LSS: variants seen among roughly 807,000 people sequenced by gnomAD.
LSS encodes lanosterol synthase, also known as 2,3-epoxysqualene-lanosterol cyclase.
In LSS, 90 loss-of-function variants were observed where a neutral mutation model predicts 110.3. The observed-to-expected ratio is 0.82, with a 90% CI of 0.69 to 0.97. LSS has a LOEUF of 0.97. LSS is among the 50% of genes least tolerant of loss of function. LSS has a pLI of 0.00. For missense variants in LSS, 927 were observed against 990.0 expected, an observed-to-expected ratio of 0.94 and a Z score of 0.85; for synonymous variants, 433 against 400.0, an observed-to-expected ratio of 1.08 and a Z score of -0.98.
At chr21:46,194,769 G>A in intron 19 of LSS, 108 bp from the exon 20 acceptor site, 3 of 1,101,892 alleles carry the variant, frequency 2.7e-6, no homozygotes, top group Non-Finnish European at 2.5e-6. Flanking sequence ...CCTGCACGAT[G>A]GGGCCACCCT....
chr21:46,207,399 G>T (rs1415955791), intron 15 of LSS, 29 bp downstream of exon 15: 7 of 1,608,502 alleles, frequency 4.4e-6, no homozygotes, highest in African/African-American at 1.3e-5. Flanking sequence ...CACGAGGTAT[G>T]GACGGGGCTG....
chr21:46,205,996 C>T (rs916514823), intron 16 of LSS, 55 bp from the exon 17 acceptor site: 139 of 1,356,404 alleles, frequency 1.0e-4, no homozygotes, highest in Non-Finnish European at 4.6e-5. Flanking sequence ...TGCCCAGGCT[C>T]TGCAGCTCAG....
chr21:46,216,860 G>A lies in LSS; in HGVS notation c.648-336C>T, dbSNP rs530989362. ...AACATCAACAATGGGGATATGGTGT[G>A]AGGGCCCCAGGGAACACTCTTGGCT... is the stretch of plus-strand genomic sequence containing the variant. On this transcript the variant is annotated intron_variant, in intron 6 of 21. Transcript: ENST00000397728. This position sits in a 1 kb window ranked among gnomAD's most constrained non-coding sequence, Gnocchi z 4.2. 4.6e-5 allele frequency among the ~76,000 whole-genome samples: 7 copies of A among 152,282 alleles called. No individual in the cohort carries two copies. Among genetic ancestry groups the A allele is most frequent in the African/African-American group, 1.2e-4 (5 of 41,562 alleles).
intron 18 of LSS, 77 bp from the exon 19 acceptor site, chr21:46,195,833 C>T (rs2079902544): frequency 1.6e-6 from 2 of 1,214,732 alleles, no homozygotes; most frequent in South Asian, 1.2e-5. Flanking sequence ...CATTCTGCAA[C>T]AATCACACGT....
Position 46,194,509 on chromosome 21 carries a change from A to G in LSS, c.1970T>C (p.Met657Thr), listed in dbSNP as rs1415732792. The change falls in exon 20 of 22, where the codon ATG becomes ACG. Residue 657 changes from methionine to threonine, a missense_variant. Physicochemically the swap from Met to Thr is moderately conservative, Grantham distance 81. Transcript: ENST00000397728. ...TCCCCACCGAACGGCCATCAGCCCCATCATGGCCCAGCATGTGTTATGGAT... is the reference window on the plus strand; with the variant it reads ...TCCCCACCGAACGGCCATCAGCCCCGTCATGGCCCAGCATGTGTTATGGAT... ...SQIHNTCWAM[M>T]GLMAVRHPDI... 6.2e-7 allele frequency: 1 copy of G among 1,613,758 alleles called. No homozygotes were observed. Among genetic ancestry groups the G allele is most frequent in the Non-Finnish European group, 8.5e-7 (1 of 1,180,016 alleles).
intron 17 of LSS, among the ~76,000 whole-genome samples, chr21:46,204,629 A>AAAAAAG (rs562044132): frequency 5.2e-4 from 79 of 151,630 alleles, no homozygotes; most frequent in Non-Finnish European, 8.2e-4. Flanking sequence ...TCTCAAAAAA[A>AAAAAAG]AAAGAAAGAA....
intron 3 of LSS, chr21:46,225,377 C>G: frequency 2.2e-6 from 1 of 452,756 alleles, no homozygotes; most frequent in Non-Finnish European, 4.4e-6. Context: ...CGTTGCCAAG[C>G]GGACCCAACC....
Position 46,216,446 on chromosome 21 carries a change from G to A in LSS, c.726C>T (p.Tyr242=). The change falls in exon 7 of 22, where the codon TAC becomes TAT. Residue 242 remains tyrosine (Y), a synonymous_variant. Coordinates refer to ENST00000397728, the MANE Select transcript of LSS (RefSeq NM_002340.6). The surrounding 1 kb of genome is among the most constrained non-coding windows in gnomAD (Gnocchi z 4.2). ...HCRQVYLPMS[Y]CYAVRLSAAE... ...CGGCACTCAGCCGAACGGCGTAGCA[G>A]TAGCTCATGGGCAGGTACACCTGCC... 6.2e-7 allele frequency: 1 copy of A among 1,613,838 alleles called. No homozygotes were observed. Among genetic ancestry groups the A allele is most frequent in the Admixed American group, 1.7e-5 (1 of 60,026 alleles).
intron 17 of LSS, among the ~76,000 whole-genome samples, chr21:46,200,431 C>T (rs1396662349): frequency 1.3e-5 from 2 of 152,128 alleles, no homozygotes; most frequent in Admixed American, 6.5e-5. Flanking sequence ...CTAAGTACAG[C>T]GGTCATCACC....
At chr21:46,215,420 G>A in intron 8 of LSS, 122 bp from the exon 9 acceptor site, 1 of 329,868 alleles carries the variant, frequency 3.0e-6, no homozygotes, top group South Asian at 2.2e-5. Context: ...CCACCCCCAG[G>A]CCTGGTCTCT....
intron 2 of LSS, among the ~76,000 whole-genome samples, chr21:46,228,032 C>T (rs1192787626): frequency 6.6e-6 from 1 of 152,232 alleles, no homozygotes; most frequent in Non-Finnish European, 1.5e-5. Flanking sequence ...CAAGGGGCGG[C>T]ACAGCCTTTC....
At chr21:46,210,260 G>T (rs1361644376) in intron 12 of LSS, among the ~76,000 whole-genome samples, 1 of 151,896 alleles carries the variant, frequency 6.6e-6, no homozygotes, top group South Asian at 2.1e-4. Context: ...TAGAGACGGG[G>T]TTTCACCATC....
At position 46,222,667 on chromosome 21, in the gene LSS, GGTACCGCACAATCTCTTCT is replaced by G; in HGVS notation, c.372_390del (p.Arg124SerfsTer71). 1 of 1,613,864 alleles carries G rather than the reference GGTACCGCACAATCTCTTCT, an allele frequency of 6.2e-7. No homozygotes were observed. Among genetic ancestry groups the G allele is most frequent in the Admixed American group, 1.7e-5 (1 of 60,030 alleles). Reference sequence around the variant, plus strand: ...CCGTCAGGGAGCTGCACTGACCGCAGGTACCGCACAATCTCTTCTCTGTATCCGGCTGGCAGAGGGATGC... The same window carrying G: ...CCGTCAGGGAGCTGCACTGACCGCAGCTGTATCCGGCTGGCAGAGGGATGC... On this transcript the variant is annotated frameshift_variant, in exon 4 of 22. Transcript: ENST00000397728. LOFTEE classifies it high-confidence loss of function.
intron 3 of LSS, among the ~76,000 whole-genome samples, chr21:46,223,298 C>A (rs2080299739): frequency 6.6e-6 from 1 of 152,198 alleles, no homozygotes; most frequent in African/African-American, 2.4e-5. Context: ...AACCTTCCGT[C>A]CCCAGCCTGG....
In LSS at chr21:46,222,161, C is replaced by A. The variant is rs990599571; in HGVS notation, c.429-186G>T. 2.1e-5 allele frequency: 13 copies of A among 620,692 alleles called. No homozygotes were observed. In the African/African-American group the frequency reaches 2.2e-4, roughly 11 times the overall value. The allele number at this position is 620,692 out of a possible 1,614,324, so 38.4% of individuals were successfully genotyped here. On this transcript the variant is annotated intron_variant, in intron 4 of 21. Coordinates refer to ENST00000397728, the MANE Select transcript of LSS (RefSeq NM_002340.6). The stretch of plus-strand genomic sequence containing the variant: ...GTACGAATTCATGCACCTCCCATGA[C>A]AACTGAGCCCCCCACTCCTTCCTCA...
chr21:46,189,833 C>A lies in LSS; in HGVS notation c.*1271G>T. On this transcript the variant is annotated 3_prime_UTR_variant, in exon 22 of 22. Transcript: ENST00000397728. ...AGCTCTCAGTGACTCCTCCCAGTAG[C>A]CAGGGGAGAGCAGTGACAGTCTCAG... The A allele has an allele frequency of 2.4e-6, 1 of 418,062 alleles. No individual in the cohort carries two copies. Among genetic ancestry groups the A allele is most frequent in the South Asian group, 1.7e-5 (1 of 58,070 alleles). The allele number at this position is 418,062 out of a possible 1,614,324, so 25.9% of individuals were successfully genotyped here.
intron 9 of LSS, among the ~76,000 whole-genome samples, chr21:46,214,965 G>C (rs1327129704): frequency 6.6e-6 from 1 of 151,986 alleles, no homozygotes; most frequent in African/African-American, 2.4e-5. Context: ...GGAAGCGGGG[G>C]GTCGAGTGTG....
intron 17 of LSS, among the ~76,000 whole-genome samples, chr21:46,202,002 G>C (rs2079984395): frequency 6.6e-6 from 1 of 150,620 alleles, no homozygotes; most frequent in South Asian, 2.1e-4. Context: ...CACCGTGTTA[G>C]CCAGGATGGT....
chr21:46,199,476 A>G (rs2079951623), intron 17 of LSS, among the ~76,000 whole-genome samples: 1 of 152,042 alleles, frequency 6.6e-6, no homozygotes, highest in Non-Finnish European at 1.5e-5. Flanking sequence ...AACTAAACAC[A>G]CTCTTACCAT....
Sources: gnomAD v4.1 joint callset for allele counts (sites outside exome capture counted in the v4.1 genomes callset) on GRCh38, gnomAD v4.1.1 for gene constraint, Gnocchi (gnomAD v3.1) non-coding constraint, MANE v1.5 for transcripts, NCBI Gene and HGNC (gene_info 2026-07-23, HGNC 2026-07-21) for gene names.